The following TMPRSS15 variants were observed in gnomAD, a reference collection of about 807,000 sequenced individuals.
TMPRSS15 encodes transmembrane serine protease 15.
TMPRSS15 carries 128 observed loss-of-function variants against 125.3 expected under a neutral mutation model. That is an observed-to-expected ratio of 1.02 (90% CI 0.89 to 1.18). The LOEUF (loss-of-function observed/expected upper bound fraction) is 1.18. Ranked by LOEUF, TMPRSS15 falls within the 50% of genes most tolerant of loss-of-function variation. TMPRSS15 has a pLI of 0.00. For synonymous variants in TMPRSS15, 446 were observed against 423.2 expected, an observed-to-expected ratio of 1.05 and a Z score of -0.66; for missense variants, 1,283 against 1,212.7, an observed-to-expected ratio of 1.06 and a Z score of -0.86.
At chr21:18,466,880 A>G (rs774165888) in intron 1 of TMPRSS15, among the ~76,000 whole-genome samples, 30 of 152,298 alleles carry the variant, frequency 2.0e-4, no homozygotes, top group East Asian at 1.5e-3. Context: ...AACCAGAAAT[A>G]CCATTTGACC....
intron 4 of TMPRSS15, among the ~76,000 whole-genome samples, chr21:18,381,861 G>A: frequency 6.6e-6 from 1 of 151,914 alleles, no homozygotes. Flanking sequence ...AGAATGAGGA[G>A]AAATAACTAA....
chr21:18,302,238 G>A (rs547755406), intron 18 of TMPRSS15, among the ~76,000 whole-genome samples: 212 of 152,310 alleles, frequency 1.4e-3, no homozygotes, highest in African/African-American at 4.8e-3. Flanking sequence ...GGATTAGCCC[G>A]AAAAGGCTTT....
chr21:18,335,571 T>C (rs1014787412), intron 13 of TMPRSS15, among the ~76,000 whole-genome samples: 4 of 152,210 alleles, frequency 2.6e-5, no homozygotes. Context: ...GGAAAATGCA[T>C]CCCTTTAAAA....
chr21:18,280,586 A>AAAACAAAC (rs1555890683), intron 22 of TMPRSS15, among the ~76,000 whole-genome samples: 3 of 148,976 alleles, frequency 2.0e-5, no homozygotes, highest in Admixed American at 6.6e-5. Flanking sequence ...AAAAAAAAAA[A>AAAACAAAC]AAAAAAAAAC....
intron 23 of TMPRSS15, among the ~76,000 whole-genome samples, chr21:18,277,341 A>C (rs1228435093): frequency 6.6e-6 from 1 of 152,170 alleles, no homozygotes; most frequent in African/African-American, 2.4e-5. Flanking sequence ...AAAACTTCCT[A>C]TGAAATAAAG....
At chr21:18,479,792 A>G (rs1012470812) in intron 1 of TMPRSS15, among the ~76,000 whole-genome samples, 1 of 152,104 alleles carries the variant, frequency 6.6e-6, no homozygotes, top group Non-Finnish European at 1.5e-5. Context: ...TATTGGTGGG[A>G]TGGTAAATTA....
rs552791958 is a variant in TMPRSS15 at position 18,471,488 on chromosome 21, CA to C, written c.10+14310del. 6.2e-5 allele frequency among the ~76,000 whole-genome samples: 9 copies of C among 146,070 alleles called. No homozygotes were observed. In the South Asian group the frequency reaches 2.0e-3, roughly 32 times the overall value. ...ATCTTTCAGTTTTGAAAAAAAAAAACAGCATAATATGGTGTTTTTCCTGGTT... is the reference window on the plus strand; with the variant it reads ...ATCTTTCAGTTTTGAAAAAAAAAAACGCATAATATGGTGTTTTTCCTGGTT... On this transcript the variant is annotated intron_variant, in intron 1 of 7. Coordinates refer to the TMPRSS15 transcript ENST00000422787.
Position 18,359,844 on chromosome 21 carries a change from T to G in TMPRSS15, c.793A>C (p.Ile265Leu). The G allele has an allele frequency of 6.6e-7, 1 of 1,515,878 alleles. No individual in the cohort carries two copies. Among genetic ancestry groups the G allele is most frequent in the Non-Finnish European group, 9.2e-7 (1 of 1,092,664 alleles). 93.9% of individuals were successfully genotyped at this position (1,515,878 alleles called of 1,614,324 possible). ...TTAAAATCATCGAAGCTCAGTTTAA[T>G]GGAAAGTCCTTGGTTTACACTAAAT... is the stretch of plus-strand genomic sequence containing the variant. ...WIIRVNQGLSIKLSFDDFNTY... is the reference protein window; with the variant it reads ...WIIRVNQGLSLKLSFDDFNTY... The change falls in exon 8 of 25, where the codon ATT becomes CTT. Residue 265 changes from isoleucine to leucine, a missense_variant. By Grantham distance (5) the Ile-to-Leu change is conservative. Coordinates refer to ENST00000284885, the MANE Select transcript of TMPRSS15 (RefSeq NM_002772.3).
chr21:18,473,280 T>A (rs1162349705), intron 1 of TMPRSS15, among the ~76,000 whole-genome samples: 2 of 152,206 alleles, frequency 1.3e-5, no homozygotes, highest in Non-Finnish European at 2.9e-5. Flanking sequence ...ATTTTAAAAT[T>A]TAGTTAGTAG....
intron 3 of TMPRSS15, among the ~76,000 whole-genome samples, chr21:18,384,984 G>T (rs1461572461): frequency 6.6e-6 from 1 of 152,076 alleles, no homozygotes; most frequent in African/African-American, 2.4e-5. Context: ...TCCACTAGGG[G>T]GAGTATATTC....
chr21:18,477,996 A>G (rs983262585), intron 1 of TMPRSS15, among the ~76,000 whole-genome samples: 4 of 152,078 alleles, frequency 2.6e-5, no homozygotes, highest in Admixed American at 2.6e-4. Context: ...ATTTAAATCT[A>G]TAAAGTCATC....
intron 18 of TMPRSS15, among the ~76,000 whole-genome samples, chr21:18,302,908 TTTTG>T (rs756120880): frequency 1.4e-4 from 22 of 152,066 alleles, no homozygotes; most frequent in South Asian, 4.1e-4. Flanking sequence ...TTGGAGTTCC[TTTTG>T]TTTGTTTGTT....
At chr21:18,469,970 C>A (rs1309407786) in intron 1 of TMPRSS15, among the ~76,000 whole-genome samples, 4 of 151,980 alleles carry the variant, frequency 2.6e-5, no homozygotes, top group Admixed American at 2.0e-4. Context: ...TCATTGTTAA[C>A]CTTTGGTAAA....
Position 18,423,159 on chromosome 21 carries a change from T to C in TMPRSS15, c.11-24830A>G, listed in dbSNP as rs539409095. Among the ~76,000 whole-genome samples, 104 of 152,284 alleles carry C rather than the reference T, an allele frequency of 6.8e-4. 1 individual carries two copies. Among genetic ancestry groups the C allele is most frequent in the African/African-American group, 2.2e-3 (90 of 41,560 alleles). On this transcript the variant is annotated intron_variant, in intron 1 of 7. Coordinates refer to the TMPRSS15 transcript ENST00000422787. ...AAATATGACTTATAGTTTACTCTTGTGGCGTCTCCTCTGAGGTTTTGCTTT... is the reference window on the plus strand; with the variant it reads ...AAATATGACTTATAGTTTACTCTTGCGGCGTCTCCTCTGAGGTTTTGCTTT...
intron 4 of TMPRSS15, among the ~76,000 whole-genome samples, chr21:18,382,275 G>C (rs1200214268): frequency 2.0e-5 from 3 of 152,142 alleles, no homozygotes; most frequent in Non-Finnish European, 4.4e-5. Flanking sequence ...TAAACCACCT[G>C]TTCTAGCTAA....
intron 13 of TMPRSS15, among the ~76,000 whole-genome samples, chr21:18,334,218 T>C (rs977940860): frequency 7.2e-5 from 11 of 152,218 alleles, no homozygotes; most frequent in Non-Finnish European, 1.5e-5. Flanking sequence ...GGTTTCATGA[T>C]GCATATGATG....
chr21:18,353,625 A>G (rs2075594629), intron 9 of TMPRSS15, 98 bp downstream of exon 9: 2 of 1,130,674 alleles, frequency 1.8e-6, no homozygotes, highest in African/African-American at 1.6e-5. Context: ...TCATTATAAA[A>G]TTACATCATG....
At chr21:18,454,607 A>G (rs1250615075) in intron 1 of TMPRSS15, among the ~76,000 whole-genome samples, 1 of 152,114 alleles carries the variant, frequency 6.6e-6, no homozygotes, top group African/African-American at 2.4e-5. Context: ...CAAAGCCAAG[A>G]GTCTGAGAGG....
intron 1 of TMPRSS15, among the ~76,000 whole-genome samples, chr21:18,466,879 T>A (rs913976649): frequency 6.6e-6 from 1 of 152,136 alleles, no homozygotes; most frequent in Non-Finnish European, 1.5e-5. Flanking sequence ...GAACCAGAAA[T>A]ACCATTTGAC....
Sources: gnomAD v4.1 joint callset for allele counts (sites outside exome capture counted in the v4.1 genomes callset) on GRCh38, gnomAD v4.1.1 for gene constraint, MANE v1.5 for transcripts, NCBI Gene and HGNC (gene_info 2026-07-23, HGNC 2026-07-21) for gene names.